The following SP100 variants were observed in gnomAD, a reference collection of about 807,000 sequenced individuals.
SP100 encodes the protein SP100 nuclear body protein.
A neutral mutation model predicts 130.0 loss-of-function variants in SP100; 84 were observed. That is an observed-to-expected ratio of 0.65 (90% confidence interval 0.54 to 0.77). SP100 has a LOEUF of 0.77. Among genes scored for constraint, SP100 ranks in the 30% least tolerant of loss-of-function variants. The pLI, the probability that SP100 is intolerant of heterozygous loss-of-function variation, is 0.00. For synonymous variants in SP100, 331 were observed against 351.7 expected (o/e 0.94, Z 0.66); for missense variants, 978 against 1,052.2 (o/e 0.93, Z 0.97).
At chr2:230,486,348 C>G (rs1237054476) in intron 17 of SP100, among the ~76,000 whole-genome samples, 1 of 152,194 alleles carries the variant, frequency 6.6e-6, no homozygotes, top group Admixed American at 6.5e-5. Flanking sequence ...CACCCCACAA[C>G]AGGCCCTATG....
At chr2:230,466,449 C>T in intron 12 of SP100, 95 bp downstream of exon 12, 4 of 733,874 alleles carry the variant, frequency 5.5e-6, no homozygotes, top group Middle Eastern at 6.9e-4. Flanking sequence ...CAGTCTAATT[C>T]CTTGCTATAT....
In SP100 at chr2:230,515,863, G is replaced by T. The variant is rs542734128; in HGVS notation, c.2094+4697G>T. The T allele has an allele frequency of 6.9e-4, 887 of 1,280,768 alleles. 13 individuals carry two copies. The South Asian group carries it at 0.012, about 18-fold the overall frequency. 79.3% of individuals were successfully genotyped at this position (1,280,768 alleles called of 1,614,324 possible). A position where few individuals can be genotyped will look rare whatever the true frequency, so the allele number is the denominator to read the frequency against. ...AACCTTTGCCTGGTACAGTATGGGG[G>T]TTGTAAATTGGCATGGAAATTTAAA... On this transcript the variant is annotated intron_variant, in intron 24 of 28. Transcript: ENST00000340126.
At chr2:230,486,365 C>T (rs1437268126) in intron 17 of SP100, among the ~76,000 whole-genome samples, 1 of 152,132 alleles carries the variant, frequency 6.6e-6, no homozygotes, top group African/African-American at 2.4e-5. Flanking sequence ...TATGTGTTCC[C>T]CTCCCTGTGT....
intron 24 of SP100, among the ~76,000 whole-genome samples, chr2:230,536,118 G>A (rs1169133785): frequency 8.6e-5 from 13 of 152,006 alleles, no homozygotes; most frequent in Admixed American, 8.5e-4. Flanking sequence ...AAGCTTATTT[G>A]GCAGGTAGGT....
chr2:230,471,207 T>A (rs1397725412), intron 15 of SP100, among the ~76,000 whole-genome samples: 1 of 151,922 alleles, frequency 6.6e-6, no homozygotes, highest in East Asian at 1.9e-4. Context: ...GCTCACCGAA[T>A]CAAAGAGACA....
At chr2:230,421,475 C>T (rs1181055457) in intron 2 of SP100, among the ~76,000 whole-genome samples, 1 of 148,294 alleles carries the variant, frequency 6.7e-6, no homozygotes, top group African/African-American at 2.5e-5. Context: ...ATCCAGTAGC[C>T]TCCTGACTAA....
At chr2:230,541,492 T>C in intron 27 of SP100, 120 bp downstream of exon 27, 4 of 795,034 alleles carry the variant, frequency 5.0e-6, no homozygotes, top group Non-Finnish European at 6.2e-6. Context: ...CAGGCTACTA[T>C]AGAAATTTAT....
chr2:230,432,987 T>A (rs549687055), intron 2 of SP100, among the ~76,000 whole-genome samples: 234 of 152,110 alleles, frequency 1.5e-3, no homozygotes, highest in African/African-American at 5.4e-3. Context: ...TACTGCATAA[T>A]TTGGGAAACG....
At position 230,467,116 on chromosome 2, in the gene SP100, G is replaced by A; in HGVS notation, c.1196-4G>A. On this transcript the variant is annotated splice_region_variant and splice_polypyrimidine_tract_variant and intron_variant, in intron 12 of 28. Transcript: ENST00000340126. ...CTCCAAAGGACATTTGCTCCTTTCT[G>A]CAGTGATAGGACAAGACCACGACTT... 6.2e-7 allele frequency: 1 copy of A among 1,607,680 alleles called. No individual in the cohort carries two copies.
At chr2:230,438,648 T>TACACACACAC (rs796889943) in intron 2 of SP100, among the ~76,000 whole-genome samples, 16 of 127,390 alleles carry the variant, frequency 1.3e-4, no homozygotes, top group African/African-American at 2.1e-4. Flanking sequence ...TGTATATATA[T>TACACACACAC]ACACACACAC....
At chr2:230,476,524 TCTTG>T (rs1231088676) in intron 17 of SP100, among the ~76,000 whole-genome samples, 1 of 152,250 alleles carries the variant, frequency 6.6e-6, no homozygotes, top group Non-Finnish European at 1.5e-5. Flanking sequence ...TCTGTCTTCA[TCTTG>T]CTTTTCATTC....
In SP100 at chr2:230,483,442, G is replaced by A. The variant is rs138853380; in HGVS notation, c.1600+8995G>A. Among the ~76,000 whole-genome samples the A allele has an allele frequency of 5.8e-4, 89 of 152,282 alleles. 2 individuals are homozygous for A. In the South Asian group the frequency reaches 9.5e-3, roughly 16 times the overall value. ...CTGGAGAGGTAGAGAGGGGTTGGGC[G>A]GGAAGTGGTTTCTCAGAGGTATATA... On this transcript the variant is annotated intron_variant, in intron 17 of 28. Transcript: ENST00000340126.
intron 8 of SP100, 43 bp downstream of exon 8, chr2:230,450,298 C>T: frequency 6.9e-7 from 1 of 1,454,752 alleles, no homozygotes; most frequent in Non-Finnish European, 9.6e-7. Flanking sequence ...CTTTCTTATT[C>T]AGATGCTATA....
intron 18 of SP100, among the ~76,000 whole-genome samples, chr2:230,496,566 A>G (rs2066676962): frequency 6.6e-6 from 1 of 152,236 alleles, no homozygotes; most frequent in African/African-American, 2.4e-5. Flanking sequence ...TTAAAAAAAA[A>G]GGGAATAGCA....
At chr2:230,523,723 AC>A (rs1381204151) in intron 24 of SP100, among the ~76,000 whole-genome samples, 1 of 152,088 alleles carries the variant, frequency 6.6e-6, no homozygotes. Context: ...AGCCTGGCCA[AC>A]ATGGAGAAAC....
intron 18 of SP100, among the ~76,000 whole-genome samples, chr2:230,496,248 G>T (rs947407043): frequency 1.3e-5 from 2 of 152,128 alleles, no homozygotes; most frequent in Non-Finnish European, 2.9e-5. Context: ...CTCTCAAATA[G>T]TTCTTTTCTT....
intron 19 of SP100, among the ~76,000 whole-genome samples, chr2:230,499,710 G>A (rs751092201): frequency 5.3e-5 from 8 of 151,468 alleles, no homozygotes; most frequent in Non-Finnish European, 1.0e-4. Context: ...TCCCCTGCTG[G>A]CTCCCAGCTC....
intron 2 of SP100, among the ~76,000 whole-genome samples, chr2:230,432,333 A>G (rs1163251492): frequency 6.6e-6 from 1 of 152,180 alleles, no homozygotes; most frequent in African/African-American, 2.4e-5. Flanking sequence ...ATTATGAATA[A>G]TGCTGTCCTG....
intron 24 of SP100, among the ~76,000 whole-genome samples, chr2:230,532,804 G>A (rs56756913): frequency 0.013 from 1,933 of 152,074 alleles, 37 homozygotes; most frequent in African/African-American, 0.045. Flanking sequence ...TTTTTGAGAC[G>A]TAGTCTCGCT....
Sources: allele counts gnomAD v4.1 joint callset (sites outside exome capture counted in the v4.1 genomes callset), GRCh38; gene constraint gnomAD v4.1.1; transcripts MANE v1.5; gene names NCBI Gene and HGNC (gene_info 2026-07-23, HGNC 2026-07-21).